Variants in IREB2 observed in about 807,000 individuals in gnomAD.
The protein encoded by IREB2 is iron-responsive element-binding protein 2.
In IREB2, 39 loss-of-function variants were observed where a neutral mutation model predicts 118.8. The ratio of observed to expected loss-of-function variants is 0.33; its 90% CI spans 0.25 to 0.43. The LOEUF is 0.43. Among genes scored for constraint, IREB2 ranks in the 20% least tolerant of loss-of-function variants. The pLI is 1.00. For missense variants in IREB2, 900 were observed against 1,147.3 expected, an observed-to-expected ratio of 0.78 and a Z score of 3.11; for synonymous variants, 372 against 392.2, an observed-to-expected ratio of 0.95 and a Z score of 0.61.
rs192407832 is a variant in IREB2 at position 78,469,792 on chromosome 15, C to T, written c.630-740C>T. 2.4e-3 allele frequency among the ~76,000 whole-genome samples: 361 copies of T among 152,084 alleles called. 1 individual carries two copies. Among genetic ancestry groups the T allele is most frequent in the Non-Finnish European group, 3.9e-3 (266 of 68,006 alleles). On this transcript the variant is annotated intron_variant, in intron 5 of 21. Transcript: ENST00000258886. ...CTAATTATCTGGTCCCTGGAGGACA[C>T]GTATAATTTAAGTTATATTGATATT...
At chr15:78,480,829 G>A (rs1486835753) in intron 10 of IREB2, among the ~76,000 whole-genome samples, 1 of 151,526 alleles carries the variant, frequency 6.6e-6, no homozygotes, top group Non-Finnish European at 1.5e-5. Context: ...GTAACACGGT[G>A]AAACCCCATT....
chr15:78,490,839 C>G (rs1436825583), intron 18 of IREB2, 78 bp downstream of exon 18: 1 of 1,336,280 alleles, frequency 7.5e-7, no homozygotes, highest in East Asian at 2.4e-5. Context: ...GGTCTTGTTC[C>G]TTTTTTCCAG....
chr15:78,496,560 A>G (rs780092482), intron 20 of IREB2, among the ~76,000 whole-genome samples: 1 of 151,676 alleles, frequency 6.6e-6, no homozygotes, highest in Non-Finnish European at 1.5e-5. Flanking sequence ...GAGCCACTGC[A>G]TCCAGCCTAT....
At chr15:78,439,956 G>C (rs1174570331) in intron 2 of IREB2, 75 bp downstream of exon 2, 1 of 900,256 alleles carries the variant, frequency 1.1e-6, no homozygotes, top group African/African-American at 1.7e-5. Flanking sequence ...CTGAGCTGAA[G>C]AAATTTTAAA....
chr15:78,477,481 A>C (rs975414662), intron 9 of IREB2, among the ~76,000 whole-genome samples: 1 of 152,210 alleles, frequency 6.6e-6, no homozygotes, highest in African/African-American at 2.4e-5. Flanking sequence ...AAACACCCTC[A>C]TGTGGTTTCT....
chr15:78,453,630 A>G (rs934925988), intron 2 of IREB2, among the ~76,000 whole-genome samples: 3 of 152,224 alleles, frequency 2.0e-5, no homozygotes, highest in Non-Finnish European at 4.4e-5. Flanking sequence ...GGAAGTCCGC[A>G]GCTCCCTTAA....
Position 78,484,881 on chromosome 15 carries a change from T to A in IREB2, c.1534T>A (p.Cys512Ser). 1 of 1,613,956 alleles carries A rather than the reference T, an allele frequency of 6.2e-7. No homozygotes were observed. The highest frequency in any genetic ancestry group is 8.5e-7 in the Non-Finnish European group (1 of 1,179,880). Reference protein sequence around the residue: ...GSVVIAAVISCTNNCNPSVML... With the variant: ...GSVVIAAVISSTNNCNPSVML... Reference sequence around the variant, plus strand: ...AGTGGTCATTGCTGCAGTTATCAGTTGTACCAATAATTGCAATCCATCTGT... The same window carrying A: ...AGTGGTCATTGCTGCAGTTATCAGTAGTACCAATAATTGCAATCCATCTGT... The change falls in exon 12 of 22, where the codon TGT becomes AGT. Residue 512 changes from cysteine to serine, a missense_variant. Physicochemically the swap from Cys to Ser is moderately radical, Grantham distance 112. Transcript: ENST00000258886.
rs544811794 is a variant in IREB2 at position 78,475,434 on chromosome 15, T to C, written c.1024-754T>C. The C allele has an allele frequency of 5.9e-5, 9 of 152,302 alleles. No individual in the cohort carries two copies. In the East Asian group the frequency reaches 9.6e-4, roughly 16 times the overall value. The allele number at this position is 152,302 out of a possible 1,614,324, so 9.4% of individuals were successfully genotyped here. On this transcript the variant is annotated intron_variant, in intron 8 of 21. Transcript: ENST00000258886. ...CTGTAAACATTTGGGCCAGTAGTTA[T>C]AATTTGAAAAATGTTTATAGCCAAT...
chr15:78,450,355 G>A (rs1051374449), intron 2 of IREB2, among the ~76,000 whole-genome samples: 11 of 152,220 alleles, frequency 7.2e-5, no homozygotes, highest in African/African-American at 2.4e-4. Context: ...ATATAATACT[G>A]TAGGGCTAAG....
chr15:78,485,396 T>A (rs2051641365), intron 12 of IREB2, among the ~76,000 whole-genome samples: 1 of 130,998 alleles, frequency 7.6e-6, no homozygotes. Flanking sequence ...TTAAAATGGT[T>A]TGCTTTAGAA....
intron 5 of IREB2, among the ~76,000 whole-genome samples, chr15:78,468,762 C>T (rs1039913945): frequency 4.6e-5 from 7 of 152,154 alleles, no homozygotes; most frequent in Admixed American, 4.6e-4. Flanking sequence ...ATAGTGACCT[C>T]GTGTGCTCTT....
Position 78,462,904 on chromosome 15 carries a change from A to G in IREB2, c.107-18A>G. The G allele has an allele frequency of 6.4e-7, 1 of 1,559,136 alleles. No homozygotes were observed. The highest frequency in any genetic ancestry group is 8.7e-7 in the Non-Finnish European group (1 of 1,155,118). ...GTATGACTGTTTGCTTATTAATAGT[A>G]ATATTTTCTTGAATCAGATGTTCTG... is the stretch of plus-strand genomic sequence containing the variant. On this transcript the variant is annotated intron_variant, in intron 2 of 21. Transcript: ENST00000258886.
At chr15:78,462,843 A>C (rs1226554936) in intron 2 of IREB2, 79 bp from the exon 3 acceptor site, 12 of 1,138,980 alleles carry the variant, frequency 1.1e-5, no homozygotes, top group Non-Finnish European at 1.5e-5. Flanking sequence ...GTCTTTGTCT[A>C]ACTTTTTGCT....
chr15:78,462,323 G>A (rs2051211143), intron 2 of IREB2, among the ~76,000 whole-genome samples: 1 of 152,172 alleles, frequency 6.6e-6, no homozygotes, highest in Non-Finnish European at 1.5e-5. Flanking sequence ...ACACTTTTGT[G>A]TGGCACAATC....
chr15:78,466,511 A>T (rs2938672), intron 5 of IREB2, 22 bp downstream of exon 5: 7 of 1,540,906 alleles, frequency 4.5e-6, no homozygotes, highest in South Asian at 3.4e-5. Context: ...TTTTTCTTAA[A>T]GTTTATTAAT....
intron 16 of IREB2, among the ~76,000 whole-genome samples, chr15:78,489,426 C>T (rs1203239873): frequency 1.3e-5 from 2 of 152,064 alleles, no homozygotes; most frequent in Non-Finnish European, 2.9e-5. Context: ...CATCATTGAA[C>T]AAAACACAAA....
chr15:78,470,361 C>T (rs1045461798), intron 5 of IREB2, among the ~76,000 whole-genome samples, 171 bp from the exon 6 acceptor site: 2 of 152,080 alleles, frequency 1.3e-5, no homozygotes, highest in Non-Finnish European at 2.9e-5. Flanking sequence ...TATTTTAAAG[C>T]AGAACTTTGT....
chr15:78,465,158 C>G (rs1025065083), intron 3 of IREB2, 93 bp from the exon 4 acceptor site: 12 of 1,031,490 alleles, frequency 1.2e-5, no homozygotes, highest in African/African-American at 1.6e-5. Flanking sequence ...GACAGGGATA[C>G]TTTTTAAAAT....
At chr15:78,492,362 C>CAAAAATTACCAAGCTTACCA (rs1555409640) in intron 18 of IREB2, among the ~76,000 whole-genome samples, 2 of 150,798 alleles carry the variant, frequency 1.3e-5, no homozygotes, top group Non-Finnish European at 3.0e-5. Context: ...ACAATTTTAC[C>CAAAAATTACCAAGCTTACCA]AAAAATTACC....
Sources: gnomAD v4.1 joint callset for allele counts (sites outside exome capture counted in the v4.1 genomes callset) on GRCh38, gnomAD v4.1.1 for gene constraint, MANE v1.5 for transcripts, NCBI Gene and HGNC (gene_info 2026-07-23, HGNC 2026-07-21) for gene names.